TOP2A: variants seen among roughly 807,000 people sequenced by gnomAD.
TOP2A encodes DNA topoisomerase 2-alpha.
TOP2A carries 68 observed loss-of-function variants against 187.2 expected under a neutral mutation model. That is an observed-to-expected ratio of 0.36 (90% CI 0.30 to 0.44). The LOEUF (loss-of-function observed/expected upper bound fraction) is 0.44, where lower values mean the gene tolerates loss of function less well. Ranked by LOEUF, TOP2A falls within the 20% of genes least tolerant of loss-of-function variation. TOP2A has a pLI of 1.00. For missense variants in TOP2A, 1,196 were observed against 1,808.7 expected (o/e 0.66, Z 6.14); for synonymous variants, 542 against 593.2 (o/e 0.91, Z 1.25).
At position 40,402,112 on chromosome 17, in the gene TOP2A, T is replaced by C. The variant is rs376757833; in HGVS notation, c.2432+794A>G. Among the ~76,000 whole-genome samples, 7 of 152,228 alleles carry C rather than the reference T, an allele frequency of 4.6e-5. No homozygotes were observed. The East Asian group carries it at 7.7e-4, about 17-fold the overall frequency. ...GATCCTATAGGATTGGCTGAGGAAC[T>C]GGATGTTAAGTATCAAGCAAAGGAG... is the stretch of plus-strand genomic sequence containing the variant. On this transcript the variant is annotated intron_variant, in intron 20 of 34. Coordinates refer to ENST00000423485, the MANE Select transcript of TOP2A (RefSeq NM_001067.4).
chr17:40,397,192 C>T (rs1299748387), intron 27 of TOP2A, among the ~76,000 whole-genome samples: 1 of 151,320 alleles, frequency 6.6e-6, no homozygotes, highest in African/African-American at 2.4e-5. Context: ...GGCCTTTTTT[C>T]TTATGTTAAA....
At chr17:40,406,724 C>G (rs774276379) in intron 14 of TOP2A, 35 bp from the exon 15 acceptor site, 1 of 1,592,948 alleles carries the variant, frequency 6.3e-7, no homozygotes, top group South Asian at 1.1e-5. Flanking sequence ...GCTTTGTACA[C>G]TGTGGGGTCC....
intron 29 of TOP2A, among the ~76,000 whole-genome samples, chr17:40,393,618 A>C (rs554396355): frequency 6.6e-6 from 1 of 152,234 alleles, no homozygotes; most frequent in Non-Finnish European, 1.5e-5. Context: ...GAAGACAAAC[A>C]TTGTAGAAAG....
intron 10 of TOP2A, chr17:40,409,976 T>C: frequency 5.9e-6 from 1 of 169,588 alleles, no homozygotes; most frequent in Non-Finnish European, 1.3e-5. Context: ...TAATCTCAGC[T>C]ACTCGGGAGG....
intron 1 of TOP2A, 40 bp from the exon 2 acceptor site, chr17:40,416,935 AATC>A (rs2035396829): frequency 6.5e-7 from 1 of 1,528,252 alleles, no homozygotes; most frequent in Non-Finnish European, 8.8e-7. Context: ...GGGAATTTTT[AATC>A]ATAAGTTTAC....
At chr17:40,396,493 T>G (rs2035102322) in intron 27 of TOP2A, 28 bp from the exon 28 acceptor site, 3 of 1,590,226 alleles carry the variant, frequency 1.9e-6, no homozygotes, top group Non-Finnish European at 2.6e-6. Flanking sequence ...GAAAGCAAGT[T>G]TAAATGTTAA....
At chr17:40,406,788 TAGG>T in intron 14 of TOP2A, 41 bp downstream of exon 14, 1 of 1,580,434 alleles carries the variant, frequency 6.3e-7, no homozygotes, top group Non-Finnish European at 8.7e-7. Flanking sequence ...GTTTGAGGAG[TAGG>T]GTCTTAAAAT....
At chr17:40,406,361 T>C (rs1454965447) in intron 16 of TOP2A, 23 bp downstream of exon 16, 2 of 1,560,986 alleles carry the variant, frequency 1.3e-6, no homozygotes, top group Non-Finnish European at 1.8e-6. Flanking sequence ...TTAGAATGTA[T>C]ATAAAATACA....
intron 10 of TOP2A, chr17:40,409,380 A>T: frequency 2.4e-6 from 1 of 420,198 alleles, no homozygotes; most frequent in Non-Finnish European, 4.6e-6. Context: ...TCTCCAAAAA[A>T]AAAAATTAAA....
In TOP2A at chr17:40,390,058, G is replaced by A. The variant is rs771364833; in HGVS notation, c.4374C>T (p.Ala1458=). 1 of 1,613,868 alleles carries A rather than the reference G, an allele frequency of 6.2e-7. No homozygotes were observed. Among genetic ancestry groups the A allele is most frequent in the South Asian group, 1.1e-5 (1 of 91,042 alleles). ...NSGVSQKPDP[A]KTKNRRKRKP... is the part of the protein sequence containing the mutation. ...TCCTTTTGCGGCGATTCTTGGTTTT[G>A]GCAGGATCAGGCTTTTGAGAGACAC... The change falls in exon 34 of 35, where the codon GCC becomes GCT. Residue 1458 remains alanine (A), a synonymous_variant. Transcript: ENST00000423485.
intron 1 of TOP2A, among the ~76,000 whole-genome samples, chr17:40,417,167 A>T (rs1352886802): frequency 3.3e-5 from 5 of 152,164 alleles, no homozygotes; most frequent in Non-Finnish European, 7.3e-5. Flanking sequence ...TGTCATCAAT[A>T]AAATACACCC....
chr17:40,407,852 T>C, intron 12 of TOP2A, 115 bp downstream of exon 12: 1 of 1,297,216 alleles, frequency 7.7e-7, no homozygotes, highest in Non-Finnish European at 1.1e-6. Flanking sequence ...TTTCTCAAAA[T>C]AAGCACAAAT....
At chr17:40,407,517 G>T in intron 13 of TOP2A, 32 bp downstream of exon 13, 2 of 1,508,924 alleles carry the variant, frequency 1.3e-6, no homozygotes, top group East Asian at 4.8e-5. Context: ...TAATTTAGTT[G>T]AACAATCTAA....
In TOP2A at chr17:40,417,765, C is replaced by G. The variant is rs2035411362; in HGVS notation, c.21+6G>C. 7 of 1,613,338 alleles carry G rather than the reference C, an allele frequency of 4.3e-6. No individual in the cohort carries two copies. The East Asian group carries it at 1.6e-4, about 36-fold the overall frequency. ...CTCCACCGCCAGTCCCCCCCGCGAG[C>G]CGTACCTGCAATGGTGACACTTCCA... On this transcript the variant is annotated splice_donor_region_variant and intron_variant, in intron 1 of 34. Coordinates refer to ENST00000423485, the MANE Select transcript of TOP2A (RefSeq NM_001067.4).
At chr17:40,403,300 C>A (rs1567786124) in intron 19 of TOP2A, among the ~76,000 whole-genome samples, 1 of 152,180 alleles carries the variant, frequency 6.6e-6, no homozygotes, top group African/African-American at 2.4e-5. Context: ...TTATCCTCAG[C>A]AAAATGAAAT....
At chr17:40,416,307 G>C in intron 3 of TOP2A, 115 bp downstream of exon 3, 1 of 796,792 alleles carries the variant, frequency 1.3e-6, no homozygotes, top group Non-Finnish European at 2.0e-6. Flanking sequence ...GGCTACAGCA[G>C]GTTTGGTAGA....
At chr17:40,392,835 G>A (rs2143625149) in intron 29 of TOP2A, 98 bp from the exon 30 acceptor site, 1 of 973,794 alleles carries the variant, frequency 1.0e-6, no homozygotes, top group Non-Finnish European at 1.5e-6. Context: ...TCCTGTGATA[G>A]TTCTGAGAAT....
intron 28 of TOP2A, 60 bp downstream of exon 28, chr17:40,396,223 C>T: frequency 2.2e-6 from 2 of 900,592 alleles, no homozygotes; most frequent in East Asian, 2.7e-5. Flanking sequence ...TCAAGTGATC[C>T]ACCCACCTTG....
intron 17 of TOP2A, 107 bp downstream of exon 17, chr17:40,404,684 C>T (rs1302943155): frequency 1.2e-6 from 1 of 838,788 alleles, no homozygotes; most frequent in Non-Finnish European, 1.9e-6. Flanking sequence ...TCTATCATAT[C>T]AAATTTTTTA....
Sources: gnomAD v4.1 joint callset for allele counts (sites outside exome capture counted in the v4.1 genomes callset) on GRCh38, gnomAD v4.1.1 for gene constraint, MANE v1.5 for transcripts, NCBI Gene and HGNC (gene_info 2026-07-23, HGNC 2026-07-21) for gene names.